TAF3: variants seen among roughly 807,000 people sequenced by gnomAD.
TAF3 encodes the protein TATA-box binding protein associated factor 3, also known as transcription initiation factor TFIID subunit 3.
A neutral mutation model predicts 80.6 loss-of-function variants in TAF3; 7 were observed. The observed-to-expected ratio is 0.09, with a 90% CI of 0.05 to 0.16. The LOEUF (loss-of-function observed/expected upper bound fraction) is 0.16. Ranked by LOEUF, TAF3 falls within the 10% of genes least tolerant of loss-of-function variation. TAF3 has a pLI of 1.00. For synonymous variants in TAF3, 444 were observed against 446.1 expected (o/e 1.00, Z 0.06); for missense variants, 921 against 1,140.2 (o/e 0.81, Z 2.77).
chr10:7,972,128 T>G (rs1400737286), intron 3 of TAF3, among the ~76,000 whole-genome samples: 1 of 152,226 alleles, frequency 6.6e-6, no homozygotes, highest in Non-Finnish European at 1.5e-5. Flanking sequence ...TTGATGCCAT[T>G]AAAAGATGGC....
At chr10:7,935,648 T>C (rs1837912137) in intron 2 of TAF3, among the ~76,000 whole-genome samples, 1 of 147,754 alleles carries the variant, frequency 6.8e-6, no homozygotes, top group Admixed American at 6.7e-5. Flanking sequence ...TACTGGGGGG[T>C]TCATATTTTA....
intron 2 of TAF3, among the ~76,000 whole-genome samples, chr10:7,842,952 A>G (rs1289391247): frequency 1.3e-5 from 2 of 152,170 alleles, no homozygotes. Flanking sequence ...AAATATATGC[A>G]TTTGCAATAA....
chr10:7,862,509 T>TC (rs988509973), intron 2 of TAF3, among the ~76,000 whole-genome samples: 1 of 152,240 alleles, frequency 6.6e-6, no homozygotes, highest in African/African-American at 2.4e-5. Flanking sequence ...TTTATTTTTT[T>TC]CTACCTTAAT....
intron 2 of TAF3, among the ~76,000 whole-genome samples, chr10:7,898,814 G>A (rs998705543): frequency 1.3e-5 from 2 of 149,476 alleles, no homozygotes; most frequent in African/African-American, 4.9e-5. Context: ...TTTTCTTTGA[G>A]TTTTTTTTTT....
chr10:8,014,486 C>T (rs1832084797), intron 6 of TAF3, 151 bp from the exon 7 acceptor site: 1 of 603,944 alleles, frequency 1.7e-6, no homozygotes, highest in Non-Finnish European at 2.9e-6. Context: ...GTCCGCATGC[C>T]CAACAATAGT....
Position 7,824,441 on chromosome 10 carries a change from C to T in TAF3, c.290C>T (p.Pro97Leu), listed in dbSNP as rs371706285. The T allele has an allele frequency of 3.8e-5, 61 of 1,614,008 alleles. No homozygotes were observed. Among genetic ancestry groups the T allele is most frequent in the Non-Finnish European group, 4.2e-5 (50 of 1,180,020 alleles). ...IEPVTFPHQIPSFPVSKNNVL... is the reference protein window; with the variant it reads ...IEPVTFPHQILSFPVSKNNVL... The stretch of plus-strand genomic sequence containing the variant: ...CCTGTCACCTTCCCACACCAAATTC[C>T]GTCATTTCCTGTTAGCAAGAACAAT... Residue 97 changes from proline (P) to leucine (L), a missense_variant, in exon 2 of 7, where the codon CCG becomes CTG. Coordinates refer to ENST00000344293, the MANE Select transcript of TAF3 (RefSeq NM_031923.4).
chr10:7,860,950 C>T (rs1837139400), intron 2 of TAF3, among the ~76,000 whole-genome samples: 1 of 151,890 alleles, frequency 6.6e-6, no homozygotes, highest in Admixed American at 6.6e-5. Flanking sequence ...AGGCACCCAC[C>T]ACCATGCCCA....
At chr10:7,959,790 C>T (rs747948323) in intron 2 of TAF3, among the ~76,000 whole-genome samples, 25 of 152,190 alleles carry the variant, frequency 1.6e-4, no homozygotes, top group Admixed American at 3.9e-4. Context: ...TAGAATTGCA[C>T]ATTAGTAAAA....
intron 2 of TAF3, among the ~76,000 whole-genome samples, chr10:7,894,252 G>A (rs559918763): frequency 6.6e-6 from 1 of 152,106 alleles, no homozygotes; most frequent in Non-Finnish European, 1.5e-5. Context: ...ATTCTCCCAT[G>A]ACGGAGTTAC....
intron 2 of TAF3, among the ~76,000 whole-genome samples, chr10:7,838,410 C>T (rs1588518546): frequency 6.6e-6 from 1 of 152,102 alleles, no homozygotes; most frequent in East Asian, 1.9e-4. Context: ...GAGACAGAGT[C>T]TCACTCTGTT....
intron 5 of TAF3, among the ~76,000 whole-genome samples, chr10:8,011,571 T>G (rs1487203150): frequency 6.6e-6 from 1 of 152,128 alleles, no homozygotes; most frequent in Admixed American, 6.5e-5. Context: ...CAACCACGCC[T>G]GGCCTATTAT....
intron 3 of TAF3, among the ~76,000 whole-genome samples, chr10:7,968,678 A>G (rs1831595019): frequency 6.6e-6 from 1 of 152,204 alleles, no homozygotes; most frequent in African/African-American, 2.4e-5. Flanking sequence ...AAGATGAGAA[A>G]CTAAGGCTTA....
At chr10:7,858,794 A>T (rs2131133001) in intron 2 of TAF3, among the ~76,000 whole-genome samples, 1 of 147,226 alleles carries the variant, frequency 6.8e-6, no homozygotes, top group South Asian at 2.3e-4. Context: ...TTTCACTGGT[A>T]CATTATAGGC....
intron 2 of TAF3, among the ~76,000 whole-genome samples, chr10:7,943,309 ACT>A (rs1837994265): frequency 1.3e-5 from 2 of 152,074 alleles, no homozygotes; most frequent in African/African-American, 4.8e-5. Context: ...AGCATTGCAA[ACT>A]CTGACATTTT....
rs375877996 is a variant in TAF3, at chr10:7,966,765, A to G, written c.2232+1023A>G. ...TAAATTCGGAGTATTTTTAACTTCA[A>G]ACTTACCTAGAAAACTGAGTGTATT... On this transcript the variant is annotated intron_variant, in intron 3 of 6. Coordinates refer to ENST00000344293, the MANE Select transcript of TAF3 (RefSeq NM_031923.4). Among the ~76,000 whole-genome samples, 4 of 152,210 alleles carry G rather than the reference A, an allele frequency of 2.6e-5. No individual in the cohort carries two copies. In the East Asian group the frequency reaches 5.8e-4, roughly 22 times the overall value.
rs377260547 is a variant in TAF3, at chr10:7,915,001, C to T, written c.410-48919C>T. On this transcript the variant is annotated intron_variant, in intron 2 of 6. Coordinates refer to ENST00000344293, the MANE Select transcript of TAF3 (RefSeq NM_031923.4). ...TGTCGCCCAGGCTGGAGTGCAGTGG[C>T]GCAATCTTGGCTTACTGCAAGCTCC... Among the ~76,000 whole-genome samples the T allele has an allele frequency of 3.4e-3, 470 of 137,760 alleles. 1 individual carries two copies. The highest frequency in any genetic ancestry group is 0.012 in the African/African-American group (433 of 36,792). 90.4% of individuals were successfully genotyped at this position (137,760 alleles called of 152,430 possible).
chr10:7,991,206 T>C (rs549672669), intron 4 of TAF3, among the ~76,000 whole-genome samples: 4 of 152,156 alleles, frequency 2.6e-5, no homozygotes, highest in Non-Finnish European at 5.9e-5. Flanking sequence ...CACATATACA[T>C]ACATACACAT....
chr10:7,874,903 A>G (rs1837300527), intron 2 of TAF3, among the ~76,000 whole-genome samples: 2 of 152,110 alleles, frequency 1.3e-5, no homozygotes, highest in Admixed American at 6.6e-5. Flanking sequence ...CTTCTTCAGT[A>G]CAGCCATTTT....
At chr10:7,973,093 C>T (rs1415731810) in intron 3 of TAF3, among the ~76,000 whole-genome samples, 1 of 152,182 alleles carries the variant, frequency 6.6e-6, no homozygotes, top group African/African-American at 2.4e-5. Context: ...AGCACTTACT[C>T]CTTCTGAGCT....
Sources: gnomAD v4.1 joint callset for allele counts (sites outside exome capture counted in the v4.1 genomes callset) on GRCh38, gnomAD v4.1.1 for gene constraint, MANE v1.5 for transcripts, NCBI Gene and HGNC (gene_info 2026-07-23, HGNC 2026-07-21) for gene names.